NCAPG2: variants seen among roughly 807,000 people sequenced by gnomAD.
The protein encoded by NCAPG2 is condensin-2 complex subunit G2.
In NCAPG2, 53 loss-of-function variants were observed where a neutral mutation model predicts 141.1. The observed-to-expected ratio is 0.38, with a 90% CI of 0.30 to 0.47. The LOEUF is 0.47. Ranked by LOEUF, NCAPG2 falls within the 20% of genes least tolerant of loss-of-function variation. The pLI, the probability that NCAPG2 is intolerant of heterozygous loss-of-function variation, is 0.99. For missense variants in NCAPG2, 1,087 were observed against 1,389.0 expected, an observed-to-expected ratio of 0.78 and a Z score of 3.46; for synonymous variants, 499 against 490.7, an observed-to-expected ratio of 1.02 and a Z score of -0.22.
chr7:158,653,940 G>A (rs1831700924), intron 22 of NCAPG2, among the ~76,000 whole-genome samples: 1 of 152,134 alleles, frequency 6.6e-6, no homozygotes, highest in East Asian at 1.9e-4. Flanking sequence ...AGGGGTTAGG[G>A]AGTAGGGGCT....
At chr7:158,691,992 C>CGTTA (rs766896481) in intron 4 of NCAPG2, among the ~76,000 whole-genome samples, 8 of 152,184 alleles carry the variant, frequency 5.3e-5, no homozygotes, top group Non-Finnish European at 7.4e-5. Context: ...CCATCTATAA[C>CGTTA]ATCTGAATGG....
intron 11 of NCAPG2, among the ~76,000 whole-genome samples, chr7:158,677,538 A>AAC (rs1339397051): frequency 6.6e-6 from 1 of 151,188 alleles, no homozygotes; most frequent in Admixed American, 6.6e-5. Flanking sequence ...AAAAAAAAAA[A>AAC]AAAAAAAAAA....
intron 19 of NCAPG2, 113 bp from the exon 20 acceptor site, chr7:158,655,568 G>A (rs149484395): frequency 2.7e-4 from 210 of 772,492 alleles, no homozygotes; most frequent in Non-Finnish European, 3.4e-4. Context: ...AAAGACCCCC[G>A]CTCTGGTGAA....
In NCAPG2 at chr7:158,650,794, A is replaced by G. The variant is rs372913022; in HGVS notation, c.3075+38T>C. The G allele has an allele frequency of 1.4e-5, 22 of 1,579,320 alleles. No homozygotes were observed. In the African/African-American group the frequency reaches 2.6e-4, roughly 19 times the overall value. ...GTAGAAACACCATCTTGTGTCATCA[A>G]TAAGAGGCACAGCAGTTTCAGGATT... is the stretch of plus-strand genomic sequence containing the variant. On this transcript the variant is annotated intron_variant, in intron 24 of 27. Coordinates refer to ENST00000356309, the MANE Select transcript of NCAPG2 (RefSeq NM_017760.7).
At chr7:158,652,228 TGTGTAG>T in intron 23 of NCAPG2, 59 bp downstream of exon 23, 1 of 1,459,116 alleles carries the variant, frequency 6.9e-7, no homozygotes. Context: ...CTGATGCATC[TGTGTAG>T]GTGTAGCCAG....
At chr7:158,702,751 T>C (rs543733967) in intron 1 of NCAPG2, among the ~76,000 whole-genome samples, 1 of 152,294 alleles carries the variant, frequency 6.6e-6, no homozygotes, top group East Asian at 1.9e-4. Context: ...CAGAGAGTCA[T>C]CTTAAACATA....
At chr7:158,661,395 G>T (rs770825100) in intron 16 of NCAPG2, among the ~76,000 whole-genome samples, 20 of 151,846 alleles carry the variant, frequency 1.3e-4, no homozygotes, top group Non-Finnish European at 2.6e-4. Context: ...ACTTCCTTCA[G>T]AAGTAAAAAG....
intron 16 of NCAPG2, among the ~76,000 whole-genome samples, chr7:158,660,222 T>C (rs1329644317): frequency 6.6e-6 from 1 of 152,012 alleles, no homozygotes; most frequent in East Asian, 1.9e-4. Context: ...TCCTTAGTGG[T>C]GGAGAGACTT....
chr7:158,660,163 A>G (rs1832369679), intron 16 of NCAPG2, among the ~76,000 whole-genome samples: 1 of 151,920 alleles, frequency 6.6e-6, no homozygotes, highest in African/African-American at 2.4e-5. Context: ...GGCCAATTCC[A>G]TCTGTGTGGC....
At chr7:158,699,108 T>C (rs1345477583) in intron 2 of NCAPG2, among the ~76,000 whole-genome samples, 1 of 152,196 alleles carries the variant, frequency 6.6e-6, no homozygotes, top group Non-Finnish European at 1.5e-5. Context: ...TATTTCTCTA[T>C]GTGTCTTGTT....
At chr7:158,660,401 C>CTTTTTTTTTTTTTTTTTTTTTTTTTTTT (rs945928092) in intron 16 of NCAPG2, among the ~76,000 whole-genome samples, 8 of 72,820 alleles carry the variant, frequency 1.1e-4, no homozygotes, top group African/African-American at 1.7e-4. Context: ...TTTCAGCTTT[C>CTTTTTTTTTTTTTTTTTTTTTTTTTTTT]TTTTTTTTTT....
chr7:158,692,681 C>T (rs902598468), intron 4 of NCAPG2, among the ~76,000 whole-genome samples, 161 bp downstream of exon 4: 1 of 152,194 alleles, frequency 6.6e-6, no homozygotes, highest in South Asian at 2.1e-4. Context: ...GCGGAGGTTG[C>T]GGTGAGCTGA....
intron 22 of NCAPG2, among the ~76,000 whole-genome samples, chr7:158,653,717 G>A (rs1409167598): frequency 1.3e-5 from 2 of 152,216 alleles, no homozygotes; most frequent in Non-Finnish European, 2.9e-5. Flanking sequence ...AAAACTTAAT[G>A]TTGAATTTAC....
intron 8 of NCAPG2, among the ~76,000 whole-genome samples, chr7:158,685,494 G>A (rs549484432): frequency 3.3e-5 from 5 of 152,248 alleles, no homozygotes; most frequent in East Asian, 3.9e-4. Flanking sequence ...CAGAATCTGC[G>A]GATGCTCAAA....
At chr7:158,681,220 T>C (rs186733034) in intron 9 of NCAPG2, among the ~76,000 whole-genome samples, 82 of 152,310 alleles carry the variant, frequency 5.4e-4, no homozygotes, top group African/African-American at 1.8e-3. Context: ...AACTAACCTC[T>C]TTATTACCAA....
chr7:158,690,541 C>G, intron 5 of NCAPG2, 27 bp downstream of exon 5: 1 of 1,604,034 alleles, frequency 6.2e-7, no homozygotes. Flanking sequence ...GAGACCCTGT[C>G]TTTAAAAAAA....
intron 1 of NCAPG2, chr7:158,703,584 C>A (rs1336495516): frequency 2.2e-4 from 34 of 152,096 alleles, no homozygotes; most frequent in Admixed American, 2.2e-3. Flanking sequence ...GTTTCTTGTA[C>A]CATATGTGCA....
At chr7:158,688,177 T>TAA (rs34988657) in intron 6 of NCAPG2, among the ~76,000 whole-genome samples, 4,563 of 134,356 alleles carry the variant, frequency 0.034, 230 homozygotes, top group African/African-American at 0.12. Flanking sequence ...ACAGGCAAGT[T>TAA]AAAAAAAAAA....
intron 2 of NCAPG2, among the ~76,000 whole-genome samples, chr7:158,696,996 C>A (rs1835489659): frequency 6.6e-6 from 1 of 152,224 alleles, no homozygotes; most frequent in Non-Finnish European, 1.5e-5. Flanking sequence ...CATAGTGTAA[C>A]AGATTAATCA....
Sources: gnomAD v4.1 joint callset for allele counts (sites outside exome capture counted in the v4.1 genomes callset) on GRCh38, gnomAD v4.1.1 for gene constraint, MANE v1.5 for transcripts, NCBI Gene and HGNC (gene_info 2026-07-23, HGNC 2026-07-21) for gene names.